HELLS: variants seen among roughly 807,000 people sequenced by gnomAD.
HELLS encodes helicase, lymphoid specific, also known as lymphoid-specific helicase.
In HELLS, 32 loss-of-function variants were observed where a neutral mutation model predicts 120.0. That is an observed-to-expected ratio of 0.27 (90% CI 0.20 to 0.36). HELLS has a LOEUF of 0.36. Ranked by LOEUF, HELLS falls within the 10% of genes least tolerant of loss-of-function variation. HELLS has a pLI of 1.00. For synonymous variants in HELLS, 341 were observed against 323.4 expected (o/e 1.05, Z -0.58); for missense variants, 650 against 993.4 (o/e 0.65, Z 4.65).
intron 15 of HELLS, among the ~76,000 whole-genome samples, chr10:94,591,633 A>G (rs1845495879): frequency 6.6e-6 from 1 of 152,178 alleles, no homozygotes; most frequent in African/African-American, 2.4e-5. Context: ...TGACAACTAA[A>G]AAGTTTGCTG....
chr10:94,564,271 G>T (rs945910439), intron 6 of HELLS, among the ~76,000 whole-genome samples: 2 of 152,132 alleles, frequency 1.3e-5, no homozygotes, highest in African/African-American at 4.8e-5. Context: ...CATATATGTT[G>T]CGGAGAGTTG....
intron 17 of HELLS, 47 bp from the exon 18 acceptor site, chr10:94,593,452 G>T (rs753661187): frequency 3.4e-6 from 4 of 1,175,350 alleles, no homozygotes; most frequent in Non-Finnish European, 5.1e-6. Flanking sequence ...CAGTCTTGTT[G>T]GTTAATTTAT....
chr10:94,549,331 A>G (rs1281534874), intron 2 of HELLS, among the ~76,000 whole-genome samples: 1 of 152,220 alleles, frequency 6.6e-6, no homozygotes, highest in Non-Finnish European at 1.5e-5. Flanking sequence ...AGCTAGCTTA[A>G]GTTCCTTAAT....
At chr10:94,571,320 C>T in intron 6 of HELLS, 68 bp from the exon 7 acceptor site, 1 of 1,242,090 alleles carries the variant, frequency 8.1e-7, no homozygotes, top group Non-Finnish European at 1.1e-6. Context: ...AGAATAAATG[C>T]TTGTTGAATA....
At chr10:94,589,704 T>TG (rs1554834445) in intron 13 of HELLS, among the ~76,000 whole-genome samples, 3 of 116,290 alleles carry the variant, frequency 2.6e-5, no homozygotes, top group Admixed American at 1.8e-4. Flanking sequence ...TTTTTTTTTT[T>TG]GAGACAGAGT....
chr10:94,597,520 A>G (rs1249417227), intron 21 of HELLS, among the ~76,000 whole-genome samples: 2 of 151,978 alleles, frequency 1.3e-5, no homozygotes, highest in African/African-American at 4.8e-5. Context: ...ACTTAACACG[A>G]TGATTTATTT....
At chr10:94,565,056 G>A (rs1420982112) in intron 6 of HELLS, among the ~76,000 whole-genome samples, 2 of 152,212 alleles carry the variant, frequency 1.3e-5, no homozygotes, top group African/African-American at 4.8e-5. Flanking sequence ...TCGTCAGGGG[G>A]CCGGGAGCAG....
chr10:94,582,766 G>A (rs1844937823), intron 11 of HELLS, among the ~76,000 whole-genome samples, 197 bp from the exon 12 acceptor site: 1 of 151,926 alleles, frequency 6.6e-6, no homozygotes, highest in Non-Finnish European at 1.5e-5. Flanking sequence ...GTTCTTGATG[G>A]TTCAAAAATG....
chr10:94,546,048 C>A (rs900852372), intron 1 of HELLS, 96 bp downstream of exon 1: 6 of 1,395,294 alleles, frequency 4.3e-6, no homozygotes, highest in Non-Finnish European at 6.0e-6. Context: ...AGGGAGCCGA[C>A]CCCGGGCAGG....
At chr10:94,594,543 A>T in intron 18 of HELLS, 152 bp from the exon 19 acceptor site, 1 of 528,732 alleles carries the variant, frequency 1.9e-6, no homozygotes, top group East Asian at 2.9e-5. Context: ...GTGGAATGAT[A>T]ATTTTGTCTA....
intron 12 of HELLS, chr10:94,584,096 T>C: frequency 7.2e-7 from 1 of 1,395,352 alleles, no homozygotes. Flanking sequence ...TGAAAATACT[T>C]ATTTACTCAA....
downstream of HELLS, among the ~76,000 whole-genome samples, chr10:94,603,265 A>G (rs1846086393): frequency 6.6e-6 from 1 of 152,178 alleles, no homozygotes; most frequent in Non-Finnish European, 1.5e-5. Flanking sequence ...AACCCATTCC[A>G]ATCAGATATT....
In HELLS at chr10:94,581,487, C is replaced by T. The variant is rs377597586; in HGVS notation, c.1194C>T (p.Asn398=). The T allele has an allele frequency of 1.2e-6, 2 of 1,609,642 alleles. No homozygotes were observed. The highest frequency in any genetic ancestry group is 1.7e-6 in the Non-Finnish European group (2 of 1,178,784). Residue 398 remains asparagine (N), a synonymous_variant, in exon 11 of 22, where the codon AAC becomes AAT. Transcript: ENST00000348459. ...TATCAGAACTTTGGTCATTGCTAAA[C>T]TTTTTGTTGCCAGATGTATTTGATG... ...NNLSELWSLL[N]FLLPDVFDDL...
chr10:94,566,107 G>A (rs1843783893), intron 6 of HELLS, among the ~76,000 whole-genome samples: 1 of 151,926 alleles, frequency 6.6e-6, no homozygotes, highest in Non-Finnish European at 1.5e-5. Context: ...TGTCTAGGCT[G>A]GCCTCGAATT....
downstream of HELLS, among the ~76,000 whole-genome samples, chr10:94,605,136 G>A (rs1253226573): frequency 7.2e-6 from 1 of 139,604 alleles, no homozygotes; most frequent in East Asian, 2.1e-4. Flanking sequence ...AGGCTGGAGT[G>A]CAATGGCTTG....
chr10:94,584,476 A>G (rs1441776788), intron 12 of HELLS, among the ~76,000 whole-genome samples: 1 of 152,136 alleles, frequency 6.6e-6, no homozygotes, highest in Admixed American at 6.5e-5. Context: ...CCCAGTCTGA[A>G]TTATTGGAGT....
chr10:94,558,853 G>A (rs1179693260), intron 4 of HELLS, among the ~76,000 whole-genome samples: 3 of 151,988 alleles, frequency 2.0e-5, no homozygotes, highest in Admixed American at 1.3e-4. Context: ...TGCCCACCTC[G>A]GCCTCCCAAA....
At chr10:94,584,001 G>C (rs780865184) in intron 12 of HELLS, 1 of 662,704 alleles carries the variant, frequency 1.5e-6, no homozygotes, top group South Asian at 2.0e-5. Context: ...AGAATTCCTA[G>C]AATGTATGTG....
intron 12 of HELLS, among the ~76,000 whole-genome samples, chr10:94,585,362 G>GT (rs11288915): frequency 0.036 from 4,394 of 120,972 alleles, 131 homozygotes; most frequent in African/African-American, 0.084. Context: ...TTTTTGTTTT[G>GT]TTTTTTTTTT....
Sources: gnomAD v4.1 joint callset for allele counts (sites outside exome capture counted in the v4.1 genomes callset) on GRCh38, gnomAD v4.1.1 for gene constraint, MANE v1.5 for transcripts, NCBI Gene and HGNC (gene_info 2026-07-23, HGNC 2026-07-21) for gene names.